Variants in CD200R1 observed in about 807,000 individuals in gnomAD.
The protein encoded by CD200R1 is cell surface glycoprotein CD200 receptor 1.
A neutral mutation model predicts 38.1 loss-of-function variants in CD200R1; 30 were observed. That is an observed-to-expected ratio of 0.79 (90% CI 0.59 to 1.07). CD200R1 has a LOEUF of 1.07. CD200R1 is among the 50% of genes least tolerant of loss of function. The pLI is 0.00. For synonymous variants in CD200R1, 128 were observed against 152.1 expected (o/e 0.84, Z 1.16); for missense variants, 372 against 415.4 (o/e 0.90, Z 0.91).
chr3:112,969,965 A>G (rs938732240), intron 1 of CD200R1, among the ~76,000 whole-genome samples: 10 of 152,080 alleles, frequency 6.6e-5, no homozygotes, highest in African/African-American at 2.4e-4. Flanking sequence ...TGAACCCAGG[A>G]GTTCAAGACC....
intron 2 of CD200R1, 138 bp downstream of exon 2, chr3:112,947,718 A>C (rs1007111027): frequency 3.8e-6 from 2 of 519,720 alleles, no homozygotes; most frequent in South Asian, 7.2e-5. Flanking sequence ...AGAATGAAAA[A>C]TTTATTAACA....
Position 112,923,743 on chromosome 3 carries a change from A to G in CD200R1, c.981T>C (p.Thr327=), listed in dbSNP as rs145066091. ...YTEKNNPLYD[T]TNKVKASEAL... is the part of the protein sequence containing the mutation. Reference sequence around the variant, plus strand: ...CCTCAGATGCCTTCACCTTGTTTGTAGTATCATAGAGAGGATTGTTCTTCT... The same window carrying G: ...CCTCAGATGCCTTCACCTTGTTTGTGGTATCATAGAGAGGATTGTTCTTCT... The change falls in exon 8 of 8, where the codon ACT becomes ACC. Residue 327 remains threonine (T), a synonymous_variant. Coordinates refer to ENST00000308611, the MANE Select transcript of CD200R1 (RefSeq NM_138806.4). 16 of 1,609,120 alleles carry G rather than the reference A, an allele frequency of 9.9e-6. No homozygotes were observed. Among genetic ancestry groups the G allele is most frequent in the Non-Finnish European group, 1.4e-5 (16 of 1,176,996 alleles).
intron 1 of CD200R1, among the ~76,000 whole-genome samples, chr3:112,968,024 G>A (rs113171095): frequency 0.021 from 3,205 of 152,280 alleles, 47 homozygotes; most frequent in Admixed American, 0.037. Flanking sequence ...CACAAATGAG[G>A]AAATTACTGT....
intron 1 of CD200R1, among the ~76,000 whole-genome samples, chr3:112,971,557 G>C (rs1034775862): frequency 6.6e-6 from 1 of 152,072 alleles, no homozygotes; most frequent in South Asian, 2.1e-4. Context: ...AGAAGCTCTT[G>C]ACTCATGTTT....
rs1469976979 is a variant in CD200R1, at chr3:112,922,943, C to A, written c.*734G>T. 6.6e-6 allele frequency: 1 copy of A among 151,774 alleles called. No homozygotes were observed. The highest frequency in any genetic ancestry group is 1.5e-5 in the Non-Finnish European group (1 of 67,860). 9.4% of individuals were successfully genotyped at this position (151,774 alleles called of 1,614,324 possible). ...TGACAATTCCACTCAAGAAAGTTAT[C>A]CTACAGATATACTCAAAAACAAAGA... On this transcript the variant is annotated 3_prime_UTR_variant, in exon 8 of 8. Coordinates refer to ENST00000308611, the MANE Select transcript of CD200R1 (RefSeq NM_138806.4).
intron 1 of CD200R1, among the ~76,000 whole-genome samples, chr3:112,957,145 A>G (rs1941116684): frequency 6.6e-6 from 1 of 152,164 alleles, no homozygotes; most frequent in African/African-American, 2.4e-5. Context: ...ATGGGGTAAG[A>G]GGTGACACAA....
intron 1 of CD200R1, among the ~76,000 whole-genome samples, chr3:112,954,337 A>T (rs1941038337): frequency 6.6e-6 from 1 of 152,210 alleles, no homozygotes; most frequent in Non-Finnish European, 1.5e-5. Flanking sequence ...TAAATTTGTT[A>T]AAAACTTGCT....
intron 2 of CD200R1, among the ~76,000 whole-genome samples, chr3:112,945,518 C>A (rs1396429199): frequency 6.6e-6 from 1 of 152,130 alleles, no homozygotes; most frequent in Non-Finnish European, 1.5e-5. Flanking sequence ...TAAATTAAAT[C>A]TAGATACAGA....
chr3:112,922,881 A>G lies in CD200R1; in HGVS notation c.*796T>C, dbSNP rs1940202829. On this transcript the variant is annotated 3_prime_UTR_variant, in exon 8 of 8. Coordinates refer to ENST00000308611, the MANE Select transcript of CD200R1 (RefSeq NM_138806.4). ...ACATATATATTTGACACAATTTAAC[A>G]TATATATCAATAGTAAAATGCACAA... 6.6e-6 allele frequency: 1 copy of G among 151,906 alleles called. No homozygotes were observed. The highest frequency in any genetic ancestry group is 2.1e-4 in the South Asian group (1 of 4,830). 9.4% of individuals were successfully genotyped at this position (151,906 alleles called of 1,614,324 possible).
chr3:112,961,369 A>T (rs1933015426), intron 1 of CD200R1, among the ~76,000 whole-genome samples: 1 of 152,092 alleles, frequency 6.6e-6, no homozygotes, highest in African/African-American at 2.4e-5. Flanking sequence ...CACTTCTCAT[A>T]CCAAAATAAA....
intron 7 of CD200R1, among the ~76,000 whole-genome samples, chr3:112,924,276 T>G (rs548551881): frequency 1.5e-3 from 232 of 152,120 alleles, no homozygotes; most frequent in African/African-American, 5.3e-3. Flanking sequence ...TGTTAGGATA[T>G]AGTTCATGAA....
intron 2 of CD200R1, among the ~76,000 whole-genome samples, chr3:112,944,832 T>G (rs1940809775): frequency 6.6e-6 from 1 of 152,124 alleles, no homozygotes; most frequent in Non-Finnish European, 1.5e-5. Flanking sequence ...GTCAATTTTT[T>G]GTATTGTATT....
intron 1 of CD200R1, among the ~76,000 whole-genome samples, chr3:112,948,382 TG>T (rs1940909510): frequency 6.6e-6 from 1 of 152,182 alleles, no homozygotes; most frequent in South Asian, 2.1e-4. Context: ...CCAACCTTTT[TG>T]GCACCAGGGA....
chr3:112,960,493 A>G (rs1363854633), intron 1 of CD200R1, among the ~76,000 whole-genome samples: 1 of 152,088 alleles, frequency 6.6e-6, no homozygotes, highest in African/African-American at 2.4e-5. Flanking sequence ...TATTTATATT[A>G]AGGAACAACA....
rs749004505 is a variant in CD200R1, at chr3:112,925,075, TAGTCAATACCTGC to T, written c.875_878+9del. ...AGCTGAAGAAGAAAAAAACATTCATTAGTCAATACCTGCAGCCATTGACTTTCAACAACCAAAT... is the reference window on the plus strand; with the variant it reads ...AGCTGAAGAAGAAAAAAACATTCATTAGCCATTGACTTTCAACAACCAAAT... On this transcript the variant is annotated splice_donor_variant and splice_donor_5th_base_variant and coding_sequence_variant and intron_variant, in exon 6 of 8. Transcript: ENST00000308611. LOFTEE classifies it high-confidence loss of function. 1.4e-6 allele frequency: 2 copies of T among 1,462,478 alleles called. No individual in the cohort carries two copies. The highest frequency in any genetic ancestry group is 4.6e-5 in the East Asian group (2 of 43,826). 90.6% of individuals were successfully genotyped at this position (1,462,478 alleles called of 1,614,324 possible).
chr3:112,966,756 G>GA (rs560610684), intron 1 of CD200R1, among the ~76,000 whole-genome samples: 161 of 146,170 alleles, frequency 1.1e-3, no homozygotes, highest in South Asian at 3.9e-3. Flanking sequence ...TATGTTGGTA[G>GA]AAAAAAAAAA....
intron 7 of CD200R1, among the ~76,000 whole-genome samples, chr3:112,924,066 A>G (rs1345363818): frequency 6.6e-6 from 1 of 151,952 alleles, no homozygotes; most frequent in African/African-American, 2.4e-5. Context: ...GAGTACTCCA[A>G]AGGAGAGCTT....
intron 2 of CD200R1, among the ~76,000 whole-genome samples, chr3:112,937,692 A>G (rs932831683): frequency 1.3e-5 from 2 of 152,180 alleles, no homozygotes; most frequent in Admixed American, 6.5e-5. Context: ...TTGGTTCCAT[A>G]TGAATTTTAA....
Position 112,925,067 on chromosome 3 carries a change from A to AG in CD200R1, c.878+17_878+18insC. On this transcript the variant is annotated intron_variant, in intron 6 of 7. Coordinates refer to ENST00000308611, the MANE Select transcript of CD200R1 (RefSeq NM_138806.4). Reference sequence around the variant, plus strand: ...CCTAATAAAGCTGAAGAAGAAAAAAACATTCATTAGTCAATACCTGCAGCC... The same window carrying AG: ...CCTAATAAAGCTGAAGAAGAAAAAAAGCATTCATTAGTCAATACCTGCAGCC... 1 of 1,423,574 alleles carries AG rather than the reference A, an allele frequency of 7.0e-7. No homozygotes were observed. Among genetic ancestry groups the AG allele is most frequent in the South Asian group, 1.2e-5 (1 of 86,352 alleles). 88.2% of individuals were successfully genotyped at this position (1,423,574 alleles called of 1,614,324 possible). A position where few individuals can be genotyped will look rare whatever the true frequency, so the allele number is the denominator to read the frequency against.
Sources: gnomAD v4.1 joint callset for allele counts (sites outside exome capture counted in the v4.1 genomes callset) on GRCh38, gnomAD v4.1.1 for gene constraint, MANE v1.5 for transcripts, NCBI Gene and HGNC (gene_info 2026-07-23, HGNC 2026-07-21) for gene names.